LRRC37A2: variants seen among roughly 807,000 people sequenced by gnomAD.
LRRC37A2 encodes the protein leucine rich repeat containing 37 member A2.
LRRC37A2 carries 9 observed loss-of-function variants against 68.8 expected under a neutral mutation model. That is an observed-to-expected ratio of 0.13 (90% CI 0.08 to 0.23). The LOEUF (loss-of-function observed/expected upper bound fraction) is 0.23. Ranked by LOEUF, LRRC37A2 falls within the 10% of genes least tolerant of loss-of-function variation. The probability of loss-of-function intolerance (pLI) is 1.00; values close to 1 mark genes in which losing one functional copy is unlikely to be tolerated. For missense variants in LRRC37A2, 168 were observed against 950.4 expected, an observed-to-expected ratio of 0.18 and a Z score of 10.82; for synonymous variants, 63 against 367.6, an observed-to-expected ratio of 0.17 and a Z score of 9.48.
chr17:47,005,411 GT>G, the LRRC37A2 span, among the ~76,000 whole-genome samples: 3 of 152,164 alleles, frequency 2.0e-5, no homozygotes, highest in Non-Finnish European at 1.5e-5. Context: ...TGTTAAGTCT[GT>G]TTTTTCGTAT....
At chr17:46,978,030 G>T in the LRRC37A2 span, 1 of 152,378 alleles carries the variant, frequency 6.6e-6, no homozygotes, top group East Asian at 1.9e-4. Flanking sequence ...TCCTTGACCT[G>T]ACCTGTGGGC....
chr17:46,828,694 A>G, the LRRC37A2 span, among the ~76,000 whole-genome samples: 2 of 151,694 alleles, frequency 1.3e-5, no homozygotes, highest in Non-Finnish European at 2.9e-5. Context: ...ACGGTGGCTC[A>G]TGCCTGTATT....
the LRRC37A2 span, chr17:46,818,801 G>C: frequency 6.4e-6 from 4 of 627,778 alleles, no homozygotes; most frequent in Non-Finnish European, 1.1e-5. Context: ...ATCAGCGCCC[G>C]CGGCCTAAGG....
At chr17:46,940,884 C>T in the LRRC37A2 span, 1 of 1,401,132 alleles carries the variant, frequency 7.1e-7, no homozygotes, top group Non-Finnish European at 9.3e-7. Flanking sequence ...TGTCACATGA[C>T]CACTTCTCTT....
the LRRC37A2 span, among the ~76,000 whole-genome samples, chr17:46,494,684 T>A: frequency 4.0e-5 from 6 of 151,568 alleles, no homozygotes; most frequent in Non-Finnish European, 5.9e-5. Context: ...CACACCTTCT[T>A]TTTTCACTGT....
At chr17:46,873,421 A>G in the LRRC37A2 span, among the ~76,000 whole-genome samples, 2 of 152,100 alleles carry the variant, frequency 1.3e-5, no homozygotes, top group Non-Finnish European at 2.9e-5. Context: ...TCTGGAAGGG[A>G]GAACACAGGT....
the LRRC37A2 span, among the ~76,000 whole-genome samples, chr17:46,718,438 C>A: frequency 6.6e-6 from 1 of 152,138 alleles, no homozygotes; most frequent in Non-Finnish European, 1.5e-5. Context: ...TCACAACTAC[C>A]CTTATTTGAT....
At chr17:46,541,495 G>T (rs1417657815) in intron 8 of LRRC37A2, among the ~76,000 whole-genome samples, 2 of 149,854 alleles carry the variant, frequency 1.3e-5, no homozygotes, top group Non-Finnish European at 2.9e-5. Flanking sequence ...CAAGTGATCC[G>T]CCTGCCTCAG....
At chr17:46,915,191 G>A in the LRRC37A2 span, among the ~76,000 whole-genome samples, 42 of 152,350 alleles carry the variant, frequency 2.8e-4, 1 homozygote, top group Admixed American at 2.3e-3. Context: ...TCAGCTGACA[G>A]ATAGACACAG....
chr17:46,872,760 C>A, the LRRC37A2 span: 1 of 1,607,262 alleles, frequency 6.2e-7, no homozygotes, highest in Non-Finnish European at 8.5e-7. Flanking sequence ...GCAGGATGGG[C>A]CTGCTCAAGA....
chr17:46,802,782 G>T, the LRRC37A2 span, among the ~76,000 whole-genome samples: 1 of 152,208 alleles, frequency 6.6e-6, no homozygotes, highest in East Asian at 1.9e-4. Context: ...CCTGGGAAGG[G>T]CGTGGAAGCT....
the LRRC37A2 span, among the ~76,000 whole-genome samples, chr17:46,873,871 C>A: frequency 2.0e-5 from 3 of 152,046 alleles, no homozygotes; most frequent in Admixed American, 2.0e-4. Flanking sequence ...AGCCTGTAAT[C>A]CCAGCTACTT....
chr17:46,876,564 G>A, the LRRC37A2 span: 23 of 1,613,638 alleles, frequency 1.4e-5, no homozygotes, highest in Admixed American at 8.3e-5. Flanking sequence ...GTGTGCTCCC[G>A]GGAGGCCAGC....
the LRRC37A2 span, among the ~76,000 whole-genome samples, chr17:46,995,764 T>C: frequency 2.6e-5 from 4 of 152,228 alleles, no homozygotes; most frequent in African/African-American, 9.6e-5. Context: ...TCAAACTTGT[T>C]TGAGCCAGTG....
At chr17:46,880,644 G>A in the LRRC37A2 span, among the ~76,000 whole-genome samples, 2 of 152,236 alleles carry the variant, frequency 1.3e-5, no homozygotes, top group South Asian at 4.1e-4. Context: ...GTTGTGAGAT[G>A]AGAAGCCTCC....
At chr17:47,018,380 T>G in the LRRC37A2 span, 1 of 1,609,300 alleles carries the variant, frequency 6.2e-7, no homozygotes, top group South Asian at 1.1e-5. Context: ...CAGTTTCACC[T>G]CCAGGTCACC....
At chr17:46,799,276 A>G in the LRRC37A2 span, among the ~76,000 whole-genome samples, 4 of 152,114 alleles carry the variant, frequency 2.6e-5, no homozygotes, top group South Asian at 6.2e-4. Context: ...AACCAACATA[A>G]AGTGTGTGGG....
chr17:46,824,977 G>T, the LRRC37A2 span, among the ~76,000 whole-genome samples: 1 of 152,218 alleles, frequency 6.6e-6, no homozygotes, highest in Non-Finnish European at 1.5e-5. Flanking sequence ...GGCATCTGGG[G>T]CTTGGTGGCC....
chr17:47,036,625 C>A, the LRRC37A2 span, among the ~76,000 whole-genome samples: 8 of 150,752 alleles, frequency 5.3e-5, no homozygotes, highest in African/African-American at 9.7e-5. Context: ...TGTTGTAGCA[C>A]CCTTGTCAAA....
Sources: allele counts gnomAD v4.1 joint callset (sites outside exome capture counted in the v4.1 genomes callset), GRCh38; gene constraint gnomAD v4.1.1; transcripts MANE v1.5; gene names NCBI Gene and HGNC (gene_info 2026-07-23, HGNC 2026-07-21).